The following MAU2 variants were observed in gnomAD, a reference collection of about 807,000 sequenced individuals.
MAU2 encodes the protein MAU2 sister chromatid cohesion factor.
MAU2 carries 9 observed loss-of-function variants against 89.1 expected under a neutral mutation model. The ratio of observed to expected loss-of-function variants is 0.10; its 90% CI spans 0.06 to 0.18. The LOEUF (loss-of-function observed/expected upper bound fraction) is 0.18, where lower values mean the gene tolerates loss of function less well. Among genes scored for constraint, MAU2 ranks in the 10% least tolerant of loss-of-function variants. The pLI is 1.00. For synonymous variants in MAU2, 357 were observed against 343.4 expected (o/e 1.04, Z -0.44); for missense variants, 425 against 803.5 (o/e 0.53, Z 5.69).
chr19:19,334,484 T>A, intron 1 of MAU2: 1 of 985,866 alleles, frequency 1.0e-6, no homozygotes, highest in Non-Finnish European at 1.2e-6. Context: ...GCCCTAGAGA[T>A]CTCCAGCCCC....
At chr19:19,348,981 C>T in intron 14 of MAU2, 43 bp downstream of exon 14, 2 of 1,604,388 alleles carry the variant, frequency 1.2e-6, no homozygotes, top group South Asian at 1.1e-5. Context: ...CCTAGGCTCC[C>T]CGTGCTCTTT....
At chr19:19,343,754 G>A in intron 9 of MAU2, 83 bp from the exon 10 acceptor site, 1 of 987,002 alleles carries the variant, frequency 1.0e-6, no homozygotes, top group South Asian at 1.3e-5. Context: ...GCAGGAGACA[G>A]GAACGAGGTG....
chr19:19,323,519 T>A (rs752251683), intron 1 of MAU2, among the ~76,000 whole-genome samples: 3 of 152,042 alleles, frequency 2.0e-5, no homozygotes, highest in Admixed American at 6.6e-5. Context: ...TTTATTTATT[T>A]ATTTTGAGAC....
chr19:19,351,498 A>G (rs2061744407), intron 16 of MAU2, among the ~76,000 whole-genome samples: 1 of 151,526 alleles, frequency 6.6e-6, no homozygotes, highest in Admixed American at 6.6e-5. Flanking sequence ...AGTAGATCTG[A>G]GATCCCATCT....
At position 19,345,134 on chromosome 19, in the gene MAU2, G is replaced by A; in HGVS notation, c.1156-170G>A. 1.4e-6 allele frequency: 1 copy of A among 720,710 alleles called. No individual in the cohort carries two copies. Among genetic ancestry groups the A allele is most frequent in the East Asian group, 2.7e-5 (1 of 37,454 alleles). 44.6% of individuals were successfully genotyped at this position (720,710 alleles called of 1,614,324 possible). On this transcript the variant is annotated intron_variant, in intron 11 of 18. Transcript: ENST00000262815. The surrounding 1 kb of genome is among the most constrained non-coding windows in gnomAD (Gnocchi z 4.9). ...ATCTTGTCCCACCCCACATTGGCTT[G>A]GGTCTGAAAGGTGGGGACAGTGAGC...
intron 1 of MAU2, chr19:19,334,295 C>T (rs1436206191): frequency 1.9e-5 from 19 of 985,408 alleles, no homozygotes; most frequent in Admixed American, 6.1e-5. Context: ...AGGAGGCAGA[C>T]GCTTGGGCTG....
chr19:19,326,750 C>T (rs2061512260), intron 1 of MAU2, among the ~76,000 whole-genome samples: 2 of 63,600 alleles, frequency 3.1e-5, no homozygotes, highest in Non-Finnish European at 7.9e-5. Flanking sequence ...AAAAATTAAC[C>T]AGGCATGGTG....
chr19:19,349,106 C>T (rs753765791), intron 14 of MAU2, 49 bp from the exon 15 acceptor site: 1 of 1,607,758 alleles, frequency 6.2e-7, no homozygotes, highest in Admixed American at 1.7e-5. Flanking sequence ...GTTTTGTAAA[C>T]CTGCTTCTCA....
intron 1 of MAU2, among the ~76,000 whole-genome samples, chr19:19,331,214 A>T (rs2146665117): frequency 6.6e-6 from 1 of 152,068 alleles, no homozygotes; most frequent in Admixed American, 6.5e-5. Context: ...TAAAAAAAAA[A>T]AACACCCGGG....
At chr19:19,332,197 G>C (rs1488555624) in intron 1 of MAU2, among the ~76,000 whole-genome samples, 1 of 152,136 alleles carries the variant, frequency 6.6e-6, no homozygotes, top group Non-Finnish European at 1.5e-5. Flanking sequence ...GTCTTGCCCT[G>C]TTGCCCAGGC....
intron 16 of MAU2, among the ~76,000 whole-genome samples, chr19:19,351,749 CAG>C (rs917920928): frequency 2.0e-5 from 3 of 149,896 alleles, no homozygotes; most frequent in Admixed American, 6.7e-5. Context: ...AGAAGCAAAA[CAG>C]AAAAAAATTG....
At chr19:19,323,256 G>A (rs1303981399) in intron 1 of MAU2, among the ~76,000 whole-genome samples, 2 of 147,568 alleles carry the variant, frequency 1.4e-5, no homozygotes, top group South Asian at 2.2e-4. Context: ...GTGCAGTGGC[G>A]CGGTCTTGGC....
At chr19:19,344,638 G>T in intron 10 of MAU2, 1 of 599,982 alleles carries the variant, frequency 1.7e-6, no homozygotes, top group Non-Finnish European at 3.0e-6. Context: ...GGACAGAGTG[G>T]AAGAGACGAG....
At chr19:19,328,461 G>A (rs1192324557) in intron 1 of MAU2, among the ~76,000 whole-genome samples, 2 of 144,446 alleles carry the variant, frequency 1.4e-5, no homozygotes, top group Non-Finnish European at 3.0e-5. Context: ...TCACTCTGTT[G>A]CCCAGGTTGG....
chr19:19,323,282 T>G (rs1262639681), intron 1 of MAU2, among the ~76,000 whole-genome samples: 1 of 151,472 alleles, frequency 6.6e-6, no homozygotes, highest in Non-Finnish European at 1.5e-5. Context: ...GCAACTTCCG[T>G]CTCGTGGGTT....
intron 17 of MAU2, among the ~76,000 whole-genome samples, chr19:19,354,941 G>A (rs548026952): frequency 4.5e-4 from 69 of 152,308 alleles, no homozygotes; most frequent in African/African-American, 1.6e-3. Context: ...GCTGCCTGGG[G>A]CTGCTGCCTC....
chr19:19,355,414 A>C (rs780262912), intron 18 of MAU2, 23 bp downstream of exon 18: 2 of 1,612,932 alleles, frequency 1.2e-6, no homozygotes, highest in Non-Finnish European at 1.7e-6. Flanking sequence ...GTGTTAGGGG[A>C]CGGGATCAGG....
chr19:19,342,478 G>T (rs892985435), intron 7 of MAU2, 57 bp from the exon 8 acceptor site: 2 of 1,507,322 alleles, frequency 1.3e-6, no homozygotes, highest in Admixed American at 4.4e-5. Flanking sequence ...GCTGGGCTGG[G>T]CCTGGCTTCC....
chr19:19,343,720 C>T (rs759545719), intron 9 of MAU2, 117 bp from the exon 10 acceptor site: 61 of 731,674 alleles, frequency 8.3e-5, no homozygotes, highest in East Asian at 4.7e-4. Context: ...GGGGAGATGA[C>T]GGGGTGGGTG....
Sources: allele counts gnomAD v4.1 joint callset (sites outside exome capture counted in the v4.1 genomes callset), GRCh38; gene constraint gnomAD v4.1.1; non-coding constraint Gnocchi (gnomAD v3.1); transcripts MANE v1.5; gene names NCBI Gene and HGNC (gene_info 2026-07-23, HGNC 2026-07-21).